The following SYT7 variants were observed in gnomAD, a reference collection of about 807,000 sequenced individuals.
The protein encoded by SYT7 is synaptotagmin 7.
Under a neutral mutation model 75.1 loss-of-function variants are expected in SYT7, and 29 were observed. That is an observed-to-expected ratio of 0.39 (90% CI 0.29 to 0.53). The LOEUF (loss-of-function observed/expected upper bound fraction) is 0.53, where lower values mean the gene tolerates loss of function less well. Ranked by LOEUF, SYT7 falls within the 20% of genes least tolerant of loss-of-function variation. The pLI, the probability that SYT7 is intolerant of heterozygous loss-of-function variation, is 0.77. For synonymous variants in SYT7, 376 were observed against 401.7 expected (o/e 0.94, Z 0.76); for missense variants, 693 against 953.2 (o/e 0.73, Z 3.59).
In SYT7 at chr11:61,514,879, G is replaced by A. The variant is rs2062113584; in HGVS notation, c.*3748C>T. 6.6e-6 allele frequency among the ~76,000 whole-genome samples: 1 copy of A among 152,206 alleles called. No homozygotes were observed. The highest frequency in any genetic ancestry group is 1.5e-5 in the Non-Finnish European group (1 of 68,040). ...CCACCTCAGGGACCAGGAAGGAGGC[G>A]CTGGCCTGAAACTACAGTGGCCCCA... is the stretch of plus-strand genomic sequence containing the variant. On this transcript the variant is annotated 3_prime_UTR_variant, in exon 13 of 13. Transcript: ENST00000539008.
Position 61,542,355 on chromosome 11 carries a change from G to A in SYT7, c.797C>T (p.Ala266Val). 1 of 1,530,766 alleles carries A rather than the reference G, an allele frequency of 6.5e-7. No homozygotes were observed. Among genetic ancestry groups the A allele is most frequent in the Non-Finnish European group, 8.7e-7 (1 of 1,144,394 alleles). The allele number at this position is 1,530,766 out of a possible 1,614,324, so 94.8% of individuals were successfully genotyped here. ...CTGCCGAGCCTGGCCCCGGCCATAGGCCCGGGGGTTGGGGCCTGGTGCCGA... is the reference window on the plus strand; with the variant it reads ...CTGCCGAGCCTGGCCCCGGCCATAGACCCGGGGGTTGGGGCCTGGTGCCGA... Reference protein sequence around the residue: ...MASAPGPNPRAYGRGQARQGT... With the variant: ...MASAPGPNPRVYGRGQARQGT... The change falls in exon 6 of 13, where the codon GCC becomes GTC. Residue 266 changes from alanine (A) to valine (V), a missense_variant. This residue lies in a region of SYT7 where 487 missense variants were observed against 593.2 expected (regional missense o/e 0.82). Transcript: ENST00000539008. The surrounding 1 kb of genome is among the most constrained non-coding windows in gnomAD (Gnocchi z 7.8).
chr11:61,570,200 T>G (rs1426432331), intron 1 of SYT7, among the ~76,000 whole-genome samples: 5 of 152,170 alleles, frequency 3.3e-5, no homozygotes, highest in Non-Finnish European at 5.9e-5. Flanking sequence ...GTCCTACTGG[T>G]GGGTCCTGTT....
chr11:61,553,409 C>G lies in SYT7; in HGVS notation c.136-1946G>C, dbSNP rs2063407590. On this transcript the variant is annotated intron_variant, in intron 2 of 12. Coordinates refer to ENST00000539008, the MANE Select transcript of SYT7 (RefSeq NM_001365809.2). The surrounding 1 kb of genome is among the most constrained non-coding windows in gnomAD (Gnocchi z 5.2). ...TTCTGGCTTGGCAGGAGAGCTTGCC[C>G]TGGCCAGCACCCTCTCGTAAGGCAG... Among the ~76,000 whole-genome samples the G allele has an allele frequency of 6.6e-6, 1 of 152,208 alleles. No homozygotes were observed. Among genetic ancestry groups the G allele is most frequent in the African/African-American group, 2.4e-5 (1 of 41,460 alleles).
rs73496241 is a variant in SYT7, at chr11:61,518,086, G to C, written c.*541C>G. 2,522 of 157,576 alleles carry C rather than the reference G, an allele frequency of 0.016. 62 individuals are homozygous for C. The highest frequency in any genetic ancestry group is 0.056 in the African/African-American group (2,358 of 41,770). The allele number at this position is 157,576 out of a possible 1,614,324, so 9.8% of individuals were successfully genotyped here. A position where few individuals can be genotyped will look rare whatever the true frequency, so the allele number is the denominator to read the frequency against. ...ACAATGGACACAACACGAGTACAAAGGGCCACAGCTCCAGGACCCAGGAGC... is the reference window on the plus strand; with the variant it reads ...ACAATGGACACAACACGAGTACAAACGGCCACAGCTCCAGGACCCAGGAGC... On this transcript the variant is annotated 3_prime_UTR_variant, in exon 13 of 13. Coordinates refer to ENST00000539008, the MANE Select transcript of SYT7 (RefSeq NM_001365809.2).
rs1415932311 is a variant in SYT7 at position 61,551,223 on chromosome 11, C to T, written c.215+161G>A. Among the ~76,000 whole-genome samples the T allele has an allele frequency of 1.3e-5, 2 of 151,830 alleles. No individual in the cohort carries two copies. Among genetic ancestry groups the T allele is most frequent in the Non-Finnish European group, 2.9e-5 (2 of 67,934 alleles). ...GGCACAGGCAGAAAAGACGGGGCCCCTGAGTTTTTGGGGGTGTGTGGAGGG... is the reference window on the plus strand; with the variant it reads ...GGCACAGGCAGAAAAGACGGGGCCCTTGAGTTTTTGGGGGTGTGTGGAGGG... On this transcript the variant is annotated intron_variant, in intron 3 of 12. Coordinates refer to ENST00000539008, the MANE Select transcript of SYT7 (RefSeq NM_001365809.2). This position sits in a 1 kb window ranked among gnomAD's most constrained non-coding sequence, Gnocchi z 5.3.
chr11:61,533,410 C>T (rs1408200950), intron 7 of SYT7: 2 of 985,428 alleles, frequency 2.0e-6, no homozygotes, highest in Non-Finnish European at 2.4e-6. Context: ...AGAAACCCCC[C>T]ACCCTCCAGT....
intron 1 of SYT7, among the ~76,000 whole-genome samples, chr11:61,558,147 C>T (rs548727754): frequency 1.2e-4 from 18 of 152,310 alleles, no homozygotes; most frequent in Admixed American, 5.9e-4. Context: ...GAGCTTTCCT[C>T]GGCAACTATC....
Position 61,530,830 on chromosome 11 carries a change from C to T in SYT7, c.1200+2159G>A, listed in dbSNP as rs183978877. The T allele has an allele frequency of 1.1e-3, 1,068 of 985,426 alleles. 2 individuals are homozygous for T. Among genetic ancestry groups the T allele is most frequent in the Non-Finnish European group, 1.2e-3 (1,011 of 829,928 alleles). 61.0% of individuals were successfully genotyped at this position (985,426 alleles called of 1,614,324 possible). On this transcript the variant is annotated intron_variant, in intron 8 of 12. Coordinates refer to ENST00000539008, the MANE Select transcript of SYT7 (RefSeq NM_001365809.2). ...CCTTCTTAAGCCACAACCCTGAGCC[C>T]TACTTACTCAGCTGGGACAGAGCCA...
At chr11:61,531,465 G>A (rs866263160) in intron 8 of SYT7, among the ~76,000 whole-genome samples, 19 of 152,156 alleles carry the variant, frequency 1.2e-4, no homozygotes, top group African/African-American at 3.4e-4. Flanking sequence ...CCTGGGGGGG[G>A]GAAGATGGAA....
At position 61,517,373 on chromosome 11, in the gene SYT7, TGTGA is replaced by T; in HGVS notation, c.*1250_*1253del. On this transcript the variant is annotated 3_prime_UTR_variant, in exon 13 of 13. Coordinates refer to ENST00000539008, the MANE Select transcript of SYT7 (RefSeq NM_001365809.2). ...TTTTCCCTGCCTCCTTTCCCTGCACTGTGAGTGAGTCGGGCAGAAGGAGCTGCTC... is the reference window on the plus strand; with the variant it reads ...TTTTCCCTGCCTCCTTTCCCTGCACTGTGAGTCGGGCAGAAGGAGCTGCTC... 1 of 398,678 alleles carries T rather than the reference TGTGA, an allele frequency of 2.5e-6. No individual in the cohort carries two copies. The highest frequency in any genetic ancestry group is 1.3e-4 in the South Asian group (1 of 7,858). The allele number at this position is 398,678 out of a possible 1,614,324, so 24.7% of individuals were successfully genotyped here. A position where few individuals can be genotyped will look rare whatever the true frequency, so the allele number is the denominator to read the frequency against.
At position 61,524,696 on chromosome 11, in the gene SYT7, C is replaced by G. The variant is rs183313172; in HGVS notation, c.1472-164G>C. ...ATTGCAATTAGACCTTACTGAAGTG[C>G]TAGCAAGAACTGTCACCGTCTCATG... On this transcript the variant is annotated intron_variant, in intron 9 of 12. Transcript: ENST00000539008. The surrounding 1 kb of genome is among the most constrained non-coding windows in gnomAD (Gnocchi z 4.1). 233 of 586,192 alleles carry G rather than the reference C, an allele frequency of 4.0e-4. 1 individual carries two copies. Among genetic ancestry groups the G allele is most frequent in the Middle Eastern group, 2.5e-3 (6 of 2,442 alleles). 36.3% of individuals were successfully genotyped at this position (586,192 alleles called of 1,614,324 possible).
rs1452891755 is a variant in SYT7, at chr11:61,528,171, G to A, written c.1215C>T (p.Ser405=). The A allele has an allele frequency of 6.8e-6, 11 of 1,611,370 alleles. No homozygotes were observed. The highest frequency in any genetic ancestry group is 1.7e-5 in the Admixed American group (1 of 59,992). Residue 405 remains serine, a synonymous_variant, in exon 9 of 13, where the codon TCC becomes TCT. Coordinates refer to ENST00000539008, the MANE Select transcript of SYT7 (RefSeq NM_001365809.2). ...AACCCTCGTGGGCCTCATCCTCCTC[G>A]GAGCCTGGGGAGAGCTGGGGGTGGG... The part of the protein sequence containing the change: ...TSEMLMLSPG[S]EEDEAHEGCS...
Position 61,546,530 on chromosome 11 carries a change from C to T in SYT7, c.348-275G>A, listed in dbSNP as rs1179495935. 4 of 495,472 alleles carry T rather than the reference C, an allele frequency of 8.1e-6. No individual in the cohort carries two copies. The highest frequency in any genetic ancestry group is 2.0e-5 in the African/African-American group (1 of 49,710). 30.7% of individuals were successfully genotyped at this position (495,472 alleles called of 1,614,324 possible). On this transcript the variant is annotated intron_variant, in intron 4 of 12. Coordinates refer to ENST00000539008, the MANE Select transcript of SYT7 (RefSeq NM_001365809.2). This position sits in a 1 kb window ranked among gnomAD's most constrained non-coding sequence, Gnocchi z 7.6. ...GGGCGGGCTGGGGGTCGGAGAACAA[C>T]GCACCACGACAACGGAGGGGGGGCC...
chr11:61,538,401 G>C (rs926548660), intron 6 of SYT7, 135 bp from the exon 7 acceptor site: 7 of 759,882 alleles, frequency 9.2e-6, no homozygotes, highest in Admixed American at 3.0e-5. Context: ...GAGAGAGAGA[G>C]AGACAGAGAC....
chr11:61,578,642 C>A (rs1227935903), intron 1 of SYT7, among the ~76,000 whole-genome samples: 1 of 152,086 alleles, frequency 6.6e-6, no homozygotes, highest in East Asian at 1.9e-4. Context: ...AACTATAGAG[C>A]CTACAAAGGT....
At chr11:61,530,440 C>T (rs1161047837) in intron 8 of SYT7, among the ~76,000 whole-genome samples, 1 of 152,238 alleles carries the variant, frequency 6.6e-6, no homozygotes. Context: ...GCCAGCCCCA[C>T]ACCCTTTGAC....
Position 61,553,364 on chromosome 11 carries a change from C to T in SYT7, c.136-1901G>A, listed in dbSNP as rs977064903. On this transcript the variant is annotated intron_variant, in intron 2 of 12. Coordinates refer to ENST00000539008, the MANE Select transcript of SYT7 (RefSeq NM_001365809.2). The surrounding 1 kb of genome is among the most constrained non-coding windows in gnomAD (Gnocchi z 5.2). ...CTGCTGAGGGCATCCCATGCCACCC[C>T]TCGCCCTTCTCTTCCTTCTTTCTGG... 1.3e-5 allele frequency among the ~76,000 whole-genome samples: 2 copies of T among 152,170 alleles called. No homozygotes were observed. Among genetic ancestry groups the T allele is most frequent in the Non-Finnish European group, 2.9e-5 (2 of 68,026 alleles).
At position 61,542,193 on chromosome 11, in the gene SYT7, C is replaced by A; in HGVS notation, c.941+18G>T. ...GGTCAGGGAGGTGGGGGCCGGCCCGCTCAAGGGGAGGACTTACAGGAAGGA... is the reference window on the plus strand; with the variant it reads ...GGTCAGGGAGGTGGGGGCCGGCCCGATCAAGGGGAGGACTTACAGGAAGGA... On this transcript the variant is annotated intron_variant, in intron 6 of 12. Transcript: ENST00000539008. This position sits in a 1 kb window ranked among gnomAD's most constrained non-coding sequence, Gnocchi z 7.8. 1 of 1,530,632 alleles carries A rather than the reference C, an allele frequency of 6.5e-7. No individual in the cohort carries two copies. Among genetic ancestry groups the A allele is most frequent in the Non-Finnish European group, 8.7e-7 (1 of 1,144,526 alleles). The allele number at this position is 1,530,632 out of a possible 1,614,324, so 94.8% of individuals were successfully genotyped here. A position where few individuals can be genotyped will look rare whatever the true frequency, so the allele number is the denominator to read the frequency against.
At chr11:61,575,829 C>T (rs2064058851) in intron 1 of SYT7, among the ~76,000 whole-genome samples, 1 of 152,230 alleles carries the variant, frequency 6.6e-6, no homozygotes, top group Non-Finnish European at 1.5e-5. Flanking sequence ...TATGGCCATC[C>T]AGCTGCCACC....
Sources: gnomAD v4.1 joint callset for allele counts (sites outside exome capture counted in the v4.1 genomes callset) on GRCh38, gnomAD v4.1.1 for gene constraint, gnomAD v4.1.1 regional missense constraint, Gnocchi (gnomAD v3.1) non-coding constraint, MANE v1.5 for transcripts, NCBI Gene and HGNC (gene_info 2026-07-23, HGNC 2026-07-21) for gene names.